The following LRRC7 variants were observed in gnomAD, a reference collection of about 807,000 sequenced individuals.
LRRC7 encodes the protein leucine rich repeat containing 7, also known as leucine-rich repeat-containing protein 7.
Under a neutral mutation model 175.7 loss-of-function variants are expected in LRRC7, and 23 were observed. The observed-to-expected ratio is 0.13, with a 90% CI of 0.09 to 0.19. The LOEUF (loss-of-function observed/expected upper bound fraction) is 0.19. Ranked by LOEUF, LRRC7 falls within the 10% of genes least tolerant of loss-of-function variation. The pLI is 1.00. For synonymous variants in LRRC7, 685 were observed against 680.9 expected (o/e 1.01, Z -0.09); for missense variants, 1,354 against 1,904.7 (o/e 0.71, Z 5.38).
At chr1:69,917,920 C>T (rs1053952792) in intron 7 of LRRC7, among the ~76,000 whole-genome samples, 1 of 152,140 alleles carries the variant, frequency 6.6e-6, no homozygotes, top group African/African-American at 2.4e-5. Flanking sequence ...TTTAGAATTA[C>T]TCTTTCAGTA....
At position 70,127,469 on chromosome 1, in the gene LRRC7, G is replaced by C. The variant is rs193107636; in HGVS notation, c.*5582G>C. ...GAGTCCCTTGGGATTTTAACCATGT[G>C]ATTATGTCAACCTTCCCTAAGAACA... On this transcript the variant is annotated 3_prime_UTR_variant, in exon 27 of 27. Coordinates refer to ENST00000651989, the MANE Select transcript of LRRC7 (RefSeq NM_001370785.2). 1.1e-3 allele frequency among the ~76,000 whole-genome samples: 168 copies of C among 152,318 alleles called. 1 individual carries two copies. Among genetic ancestry groups the C allele is most frequent in the Non-Finnish European group, 6.6e-4 (45 of 68,018 alleles).
intron 1 of LRRC7, among the ~76,000 whole-genome samples, chr1:69,638,204 C>A (rs1042106833): frequency 1.3e-5 from 2 of 151,832 alleles, no homozygotes; most frequent in East Asian, 3.9e-4. Flanking sequence ...AGTAATCCAG[C>A]TCTCAGTAGC....
At chr1:69,572,310 C>T (rs1645770882) in intron 1 of LRRC7, among the ~76,000 whole-genome samples, 1 of 151,848 alleles carries the variant, frequency 6.6e-6, no homozygotes, top group Non-Finnish European at 1.5e-5. Flanking sequence ...GCAATTTAAA[C>T]CTATAATGAA....
At chr1:69,846,342 T>G (rs1682365077) in intron 7 of LRRC7, among the ~76,000 whole-genome samples, 1 of 152,090 alleles carries the variant, frequency 6.6e-6, no homozygotes, top group Non-Finnish European at 1.5e-5. Context: ...TGGGAAGAGC[T>G]TGGAAGAGGT....
chr1:70,038,312 A>T lies in LRRC7; in HGVS notation c.2488A>T (p.Asn830Tyr). 1 of 1,614,156 alleles carries T rather than the reference A, an allele frequency of 6.2e-7. No individual in the cohort carries two copies. Among genetic ancestry groups the T allele is most frequent in the Non-Finnish European group, 8.5e-7 (1 of 1,180,010 alleles). The change falls in exon 21 of 27, where the codon AAT (asparagine) becomes TAT (tyrosine). Residue 830 changes from asparagine (N) to tyrosine (Y), a missense_variant. Asn to Tyr is a moderately radical substitution (Grantham distance 143, BLOSUM62 -2). Around this residue, in one of 4 missense-constraint regions of LRRC7, gnomAD observed 1,032 missense variants for 1,227.2 expected, o/e 0.84. Transcript: ENST00000651989. The part of the protein sequence containing the change: ...EETTAENANS[N>Y]PLLSSKSRST... The stretch of plus-strand genomic sequence containing the variant: ...AACCACAGCCGAGAATGCCAACAGT[A>T]ATCCTCTCTTAAGTTCGAAATCTAG...
chr1:69,744,461 G>T (rs1416185742), intron 2 of LRRC7, among the ~76,000 whole-genome samples: 1 of 151,806 alleles, frequency 6.6e-6, no homozygotes, highest in Non-Finnish European at 1.5e-5. Context: ...GGCACATTTT[G>T]TCTCCATCGA....
intron 1 of LRRC7, among the ~76,000 whole-genome samples, chr1:69,675,177 T>C (rs1016108538): frequency 7.9e-5 from 12 of 152,208 alleles, no homozygotes; most frequent in Non-Finnish European, 2.9e-5. Context: ...TATAATCTCT[T>C]GCATATCTGC....
chr1:69,797,780 T>C (rs975012408), intron 4 of LRRC7, among the ~76,000 whole-genome samples: 2 of 152,206 alleles, frequency 1.3e-5, no homozygotes, highest in African/African-American at 4.8e-5. Flanking sequence ...TACTCTCCAA[T>C]ATAAGATATG....
At chr1:69,821,240 C>T (rs576807312) in intron 4 of LRRC7, among the ~76,000 whole-genome samples, 1 of 152,098 alleles carries the variant, frequency 6.6e-6, no homozygotes, top group Non-Finnish European at 1.5e-5. Flanking sequence ...GAGGGTGTCC[C>T]ATAAATCCCA....
At chr1:69,688,631 GTTT>G (rs78791999) in intron 2 of LRRC7, among the ~76,000 whole-genome samples, 5 of 124,536 alleles carry the variant, frequency 4.0e-5, no homozygotes, top group South Asian at 2.8e-4. Flanking sequence ...TCTTTTTATG[GTTT>G]TTTTTTTTTT....
chr1:69,659,965 A>G (rs926373591), intron 1 of LRRC7, among the ~76,000 whole-genome samples: 1 of 149,996 alleles, frequency 6.7e-6, no homozygotes, highest in Admixed American at 6.7e-5. Context: ...CTTAAATTCA[A>G]GTTATCAGCA....
chr1:70,009,936 C>T (rs895122855), intron 11 of LRRC7, among the ~76,000 whole-genome samples: 1 of 151,996 alleles, frequency 6.6e-6, no homozygotes. Context: ...CTCATCCCAC[C>T]CTCTCTATAA....
intron 18 of LRRC7, among the ~76,000 whole-genome samples, chr1:70,030,242 A>G (rs17131134): frequency 0.017 from 2,580 of 152,300 alleles, 76 homozygotes; most frequent in African/African-American, 0.059. Flanking sequence ...AAAACACTAC[A>G]GTGACTTCTT....
chr1:69,805,707 A>C (rs1677040652), intron 4 of LRRC7, among the ~76,000 whole-genome samples: 1 of 151,872 alleles, frequency 6.6e-6, no homozygotes, highest in Non-Finnish European at 1.5e-5. Flanking sequence ...CATGGTAACA[A>C]AACCTAGGTT....
intron 7 of LRRC7, among the ~76,000 whole-genome samples, chr1:69,929,389 C>T (rs973253066): frequency 2.0e-5 from 3 of 152,206 alleles, no homozygotes; most frequent in Non-Finnish European, 2.9e-5. Context: ...CAAAACCCTG[C>T]TCCACTTGGT....
intron 20 of LRRC7, 37 bp from the exon 21 acceptor site, chr1:70,038,076 C>T (rs368094990): frequency 1.9e-5 from 30 of 1,551,934 alleles, no homozygotes; most frequent in Non-Finnish European, 2.3e-5. Context: ...CCCAACTCTT[C>T]GTCCTTTTCA....
At chr1:69,756,394 A>C (rs979789552) in intron 2 of LRRC7, among the ~76,000 whole-genome samples, 4 of 151,884 alleles carry the variant, frequency 2.6e-5, no homozygotes, top group Non-Finnish European at 4.4e-5. Context: ...AACAGAATGC[A>C]GGATAAATGC....
At chr1:70,053,576 G>A (rs185916243) in intron 23 of LRRC7, among the ~76,000 whole-genome samples, 1 of 152,174 alleles carries the variant, frequency 6.6e-6, no homozygotes, top group East Asian at 1.9e-4. Flanking sequence ...GCTATGTGTG[G>A]AGCACTTGCT....
At chr1:69,767,650 T>C (rs1382961891) in intron 3 of LRRC7, among the ~76,000 whole-genome samples, 1 of 152,028 alleles carries the variant, frequency 6.6e-6, no homozygotes, top group Non-Finnish European at 1.5e-5. Context: ...GGTACTATGT[T>C]CTTCGTTATG....
Sources: allele counts gnomAD v4.1 joint callset (sites outside exome capture counted in the v4.1 genomes callset), GRCh38; gene constraint gnomAD v4.1.1; regional missense constraint gnomAD v4.1.1; transcripts MANE v1.5; gene names NCBI Gene and HGNC (gene_info 2026-07-23, HGNC 2026-07-21).